CANX: variants seen among roughly 807,000 people sequenced by gnomAD.
The protein encoded by CANX is epididymis secretory sperm binding protein.
A neutral mutation model predicts 75.7 loss-of-function variants in CANX; 14 were observed. The ratio of observed to expected loss-of-function variants is 0.19; its 90% CI spans 0.12 to 0.29. The LOEUF is 0.29. Ranked by LOEUF, CANX falls within the 10% of genes least tolerant of loss-of-function variation. The probability of loss-of-function intolerance (pLI) is 1.00; values close to 1 mark genes in which losing one functional copy is unlikely to be tolerated. For missense variants in CANX, 567 were observed against 713.2 expected (o/e 0.79, Z 2.34); for synonymous variants, 227 against 236.9 (o/e 0.96, Z 0.38).
At chr5:179,715,437 C>G (rs1777875356) in intron 7 of CANX, among the ~76,000 whole-genome samples, 1 of 152,078 alleles carries the variant, frequency 6.6e-6, no homozygotes, top group Non-Finnish European at 1.5e-5. Flanking sequence ...ACTGCGGAGG[C>G]TGAGGCAGGA....
At chr5:179,705,634 T>A (rs781520640) in intron 1 of CANX, 45 bp from the exon 2 acceptor site, 1 of 1,466,100 alleles carries the variant, frequency 6.8e-7, no homozygotes, top group African/African-American at 1.4e-5. Flanking sequence ...TCATGAAGTT[T>A]GATAGGTGGC....
chr5:179,724,614 A>G, intron 12 of CANX, 43 bp from the exon 13 acceptor site: 1 of 1,554,972 alleles, frequency 6.4e-7, no homozygotes, highest in Non-Finnish European at 8.9e-7. Context: ...ATAACATAAT[A>G]CATGAACATG....
At chr5:179,696,393 A>G (rs1336854577), upstream of CANX, among the ~76,000 whole-genome samples, 1 of 147,090 alleles carries the variant, frequency 6.8e-6, no homozygotes, top group African/African-American at 2.5e-5. Context: ...GTCCTGCCTC[A>G]GCCACCCGAG....
At chr5:179,691,675 G>A (rs1281894091) in intron 1 of CANX, among the ~76,000 whole-genome samples, 1 of 152,188 alleles carries the variant, frequency 6.6e-6, no homozygotes, top group Non-Finnish European at 1.5e-5. Flanking sequence ...AGCATGAGGC[G>A]AGGCAGTACT....
chr5:179,684,926 ATT>A (rs71001039), intron 1 of CANX, among the ~76,000 whole-genome samples: 13,098 of 47,978 alleles, frequency 0.27, 1,622 homozygotes, highest in Non-Finnish European at 0.31. Context: ...CTAATTTTGT[ATT>A]TTTTTTTTTT....
At chr5:179,710,142 G>A in intron 7 of CANX, 77 bp downstream of exon 7, 1 of 927,008 alleles carries the variant, frequency 1.1e-6, no homozygotes, top group Non-Finnish European at 1.6e-6. Flanking sequence ...TGTATATCTG[G>A]CCGGGCACTG....
At chr5:179,720,905 TC>T (rs1027625502) in intron 10 of CANX, among the ~76,000 whole-genome samples, 1 of 152,108 alleles carries the variant, frequency 6.6e-6, no homozygotes, top group Non-Finnish European at 1.5e-5. Context: ...TGCCTCAGAC[TC>T]CCGAGTAGCT....
intron 1 of CANX, among the ~76,000 whole-genome samples, chr5:179,683,912 C>T (rs1457202856): frequency 6.6e-6 from 1 of 152,168 alleles, no homozygotes; most frequent in African/African-American, 2.4e-5. Flanking sequence ...CATTTATTAA[C>T]AGTTCATTGC....
chr5:179,698,494 C>T (rs1366198099), upstream of CANX: 3 of 1,289,396 alleles, frequency 2.3e-6, no homozygotes, highest in South Asian at 3.7e-5. Context: ...TGCAACGGGC[C>T]CTTCCTGATG....
chr5:179,698,823 A>G, upstream of CANX: 1 of 752,880 alleles, frequency 1.3e-6, no homozygotes, highest in Non-Finnish European at 1.9e-6. Context: ...GGCGTATGGG[A>G]CGGTGCGTAG....
chr5:179,701,791 GT>G (rs1300836652), intron 1 of CANX, among the ~76,000 whole-genome samples: 1 of 119,838 alleles, frequency 8.3e-6, no homozygotes, highest in African/African-American at 3.0e-5. Context: ...TCAGGCTGGA[GT>G]ACAGTGGTGT....
At chr5:179,684,619 C>T (rs1776151017) in intron 1 of CANX, among the ~76,000 whole-genome samples, 1 of 151,992 alleles carries the variant, frequency 6.6e-6, no homozygotes, top group African/African-American at 2.4e-5. Flanking sequence ...AGATTACAGG[C>T]TTGAGCCACC....
exon 1 of CANX, chr5:179,678,671 G>A: frequency 2.0e-6 from 3 of 1,535,584 alleles, no homozygotes; most frequent in Non-Finnish European, 2.6e-6. Context: ...CCCGGCGCGC[G>A]CCGCAGCCGT....
chr5:179,711,094 C>G (rs1330056885), intron 7 of CANX, among the ~76,000 whole-genome samples: 5 of 152,018 alleles, frequency 3.3e-5, no homozygotes, highest in Non-Finnish European at 5.9e-5. Flanking sequence ...ACTTTAGTAT[C>G]TTAGTTGGGA....
At chr5:179,720,266 T>C (rs759398203) in intron 9 of CANX, 138 bp from the exon 10 acceptor site, 10 of 495,410 alleles carry the variant, frequency 2.0e-5, no homozygotes, top group African/African-American at 3.9e-5. Flanking sequence ...AAAACTGTTA[T>C]TACTGGAAAT....
At chr5:179,728,347 G>A (rs1023890347) in intron 14 of CANX, among the ~76,000 whole-genome samples, 1 of 152,098 alleles carries the variant, frequency 6.6e-6, no homozygotes, top group African/African-American at 2.4e-5. Flanking sequence ...TTAAGAAAAT[G>A]TTTATGGGTT....
chr5:179,723,731 T>C lies in CANX; in HGVS notation c.1470T>C (p.Thr490=). The C allele has an allele frequency of 1.9e-6, 3 of 1,613,604 alleles. No homozygotes were observed. The East Asian group carries it at 6.7e-5, about 36-fold the overall frequency. ...RPWLWVVYIL[T]VALPVFLVIL... ...GGCTGTGGGTAGTCTATATTCTAAC[T>C]GTAGCCCTTCCTGTGTTCCTGGTTA... Residue 490 remains threonine, a synonymous_variant, in exon 12 of 15, where the codon ACT becomes ACC. Coordinates refer to ENST00000247461, the MANE Select transcript of CANX (RefSeq NM_001746.4).
At chr5:179,708,597 T>C (rs759682532) in intron 5 of CANX, among the ~76,000 whole-genome samples, 8 of 152,236 alleles carry the variant, frequency 5.3e-5, no homozygotes, top group Admixed American at 2.6e-4. Flanking sequence ...AAATAACTTG[T>C]AGATTTTGCA....
chr5:179,678,870 T>A, intron 1 of CANX: 1 of 1,536,226 alleles, frequency 6.5e-7, no homozygotes, highest in South Asian at 1.2e-5. Context: ...GGCGACCGCG[T>A]CCTCGCCAGC....
Sources: allele counts gnomAD v4.1 joint callset (sites outside exome capture counted in the v4.1 genomes callset), GRCh38; gene constraint gnomAD v4.1.1; transcripts MANE v1.5; gene names NCBI Gene and HGNC (gene_info 2026-07-23, HGNC 2026-07-21).